The following TMEM132E variants were observed in gnomAD, a reference collection of about 807,000 sequenced individuals.
TMEM132E encodes transmembrane protein 132E.
TMEM132E carries 49 observed loss-of-function variants against 78.5 expected under a neutral mutation model. That is an observed-to-expected ratio of 0.62 (90% CI 0.50 to 0.79). TMEM132E has a LOEUF of 0.79. Among genes scored for constraint, TMEM132E ranks in the 30% least tolerant of loss-of-function variants. The probability of loss-of-function intolerance (pLI) is 0.00; values close to 1 mark genes in which losing one functional copy is unlikely to be tolerated. For synonymous variants in TMEM132E, 715 were observed against 670.6 expected (o/e 1.07, Z -1.02); for missense variants, 1,403 against 1,470.9 (o/e 0.95, Z 0.75).
intron 1 of TMEM132E, among the ~76,000 whole-genome samples, chr17:34,593,232 C>G (rs1905938718): frequency 8.6e-6 from 1 of 116,896 alleles, no homozygotes; most frequent in Non-Finnish European, 1.8e-5. Context: ...CAAAATAAAA[C>G]TCCATCTCTA....
intron 1 of TMEM132E, among the ~76,000 whole-genome samples, chr17:34,614,980 T>C (rs1310587819): frequency 1.3e-5 from 2 of 152,170 alleles, no homozygotes; most frequent in Admixed American, 6.5e-5. Context: ...GAACCTTTCC[T>C]TGGCCTCCTC....
At chr17:34,630,238 CT>C in intron 5 of TMEM132E, 87 bp downstream of exon 5, 1 of 1,441,536 alleles carries the variant, frequency 6.9e-7, no homozygotes, top group Admixed American at 1.9e-5. Flanking sequence ...AGGTGGCTGA[CT>C]CTTACTCATC....
chr17:34,623,190 G>A lies in TMEM132E; in HGVS notation c.68-2937G>A, dbSNP rs956967304. Among the ~76,000 whole-genome samples, 8 of 152,312 alleles carry A rather than the reference G, an allele frequency of 5.3e-5. No individual in the cohort carries two copies. The East Asian group carries it at 1.4e-3, about 26-fold the overall frequency. ...CCAGGGGGGGTGAGGGGATCCGGGTGGGGCATGCAGTCACAATTGTCCAAT... is the reference window on the plus strand; with the variant it reads ...CCAGGGGGGGTGAGGGGATCCGGGTAGGGCATGCAGTCACAATTGTCCAAT... On this transcript the variant is annotated intron_variant, in intron 1 of 8. Coordinates refer to ENST00000631683, the MANE Select transcript of TMEM132E (RefSeq NM_001304438.2).
At position 34,626,260 on chromosome 17, in the gene TMEM132E, G is replaced by C. The variant is rs983957108; in HGVS notation, c.201G>C (p.Ala67=). The C allele has an allele frequency of 1.9e-6, 3 of 1,603,462 alleles. No individual in the cohort carries two copies. The highest frequency in any genetic ancestry group is 1.3e-5 in the African/African-American group (1 of 74,888). Residue 67 remains alanine, a synonymous_variant, in exon 2 of 9, where the codon GCG becomes GCC. Transcript: ENST00000631683. ...FLREARPPSP[A]VANSSLQRSE... ...GGGAGGCGCGGCCCCCGTCACCCGC[G>C]GTCGCCAACAGCTCTCTGCAGCGCT...
In TMEM132E at chr17:34,626,730, C is replaced by G; in HGVS notation, c.671C>G (p.Thr224Arg). Residue 224 changes from threonine to arginine, a missense_variant, in exon 2 of 9, where the codon ACG (threonine) becomes AGG (arginine). By Grantham distance (71) the Thr-to-Arg change is moderately conservative (BLOSUM62 -1). This residue lies in a region of TMEM132E where 511 missense variants were observed against 499.0 expected (regional missense o/e 1.02). Transcript: ENST00000631683. ...KSPDGLEPEA[T>R]GESQQAELYY... ...CCGGACGGGCTGGAGCCCGAGGCGA[C>G]GGGGGAGAGCCAGCAGGCCGAGCTC... The G allele has an allele frequency of 2.2e-6, 3 of 1,370,290 alleles. No homozygotes were observed. In the South Asian group the frequency reaches 4.5e-5, roughly 21 times the overall value. 84.9% of individuals were successfully genotyped at this position (1,370,290 alleles called of 1,614,324 possible).
At chr17:34,581,752 G>A (rs1354959176) in intron 1 of TMEM132E, among the ~76,000 whole-genome samples, 1 of 151,850 alleles carries the variant, frequency 6.6e-6, no homozygotes, top group South Asian at 2.1e-4. Flanking sequence ...CGCACAGGCC[G>A]GGGCGGTGGG....
chr17:34,608,075 C>T (rs917686647), intron 1 of TMEM132E, among the ~76,000 whole-genome samples: 1 of 152,174 alleles, frequency 6.6e-6, no homozygotes, highest in Non-Finnish European at 1.5e-5. Flanking sequence ...AGGTTTCAAC[C>T]TTCTAATCAC....
At chr17:34,592,469 C>T (rs1168029470) in intron 1 of TMEM132E, among the ~76,000 whole-genome samples, 1 of 152,198 alleles carries the variant, frequency 6.6e-6, no homozygotes, top group Non-Finnish European at 1.5e-5. Flanking sequence ...TAGGGAGTTT[C>T]TGACAAGGAA....
At chr17:34,623,004 G>C (rs1353761899) in intron 1 of TMEM132E, among the ~76,000 whole-genome samples, 1 of 152,138 alleles carries the variant, frequency 6.6e-6, no homozygotes, top group African/African-American at 2.4e-5. Flanking sequence ...AGAGAGAAAA[G>C]AGAGGGGGAG....
chr17:34,637,306 C>CGGGCCTTCCCT lies in TMEM132E; in HGVS notation c.2300_2310dup (p.Leu771GlyfsTer6). The CGGGCCTTCCCT allele has an allele frequency of 6.2e-7, 1 of 1,614,124 alleles. No homozygotes were observed. The highest frequency in any genetic ancestry group is 8.5e-7 in the Non-Finnish European group (1 of 1,180,042). On this transcript the variant is annotated frameshift_variant, in exon 9 of 9. Transcript: ENST00000631683. LOFTEE classifies it high-confidence loss of function. The stretch of plus-strand genomic sequence containing the variant: ...GCATGTGGCCACTGTGACCCAGGAC[C>CGGGCCTTCCCT]GGGCCTTCCCTCTGGTAGTGGCTGA...
chr17:34,594,657 A>G (rs1905994160), intron 1 of TMEM132E, among the ~76,000 whole-genome samples: 1 of 152,200 alleles, frequency 6.6e-6, no homozygotes, highest in South Asian at 2.1e-4. Context: ...TGGCATGATC[A>G]TAGCTCACTG....
chr17:34,592,135 C>A (rs1162573715), intron 1 of TMEM132E, among the ~76,000 whole-genome samples: 3 of 152,166 alleles, frequency 2.0e-5, no homozygotes, highest in African/African-American at 7.2e-5. Context: ...TGTTTTTTAA[C>A]CCTTGATGCC....
At chr17:34,624,948 G>A (rs931477335) in intron 1 of TMEM132E, among the ~76,000 whole-genome samples, 3 of 152,136 alleles carry the variant, frequency 2.0e-5, no homozygotes, top group Admixed American at 6.5e-5. Context: ...AATGTGACTC[G>A]GGAGGTTCTT....
intron 1 of TMEM132E, among the ~76,000 whole-genome samples, chr17:34,623,186 G>A (rs1031191695): frequency 7.9e-5 from 12 of 152,144 alleles, no homozygotes; most frequent in Non-Finnish European, 1.5e-4. Context: ...GAGGGGATCC[G>A]GGTGGGGCAT....
In TMEM132E at chr17:34,580,026, G is replaced by T. The variant is rs1188405419; in HGVS notation, c.-1051G>T. On this transcript the variant is annotated 5_prime_UTR_variant, in exon 1 of 9. Transcript: ENST00000631683. The stretch of plus-strand genomic sequence containing the variant: ...CCAGAAAAGTTCAAGGTTTGTGCAG[G>T]TTCCCCCAGGGAAGGCGAGGAGCGA... The T allele has an allele frequency of 3.3e-5, 5 of 152,358 alleles. No individual in the cohort carries two copies. The highest frequency in any genetic ancestry group is 7.3e-5 in the Non-Finnish European group (5 of 68,146). The allele number at this position is 152,358 out of a possible 1,614,324, so 9.4% of individuals were successfully genotyped here.
At chr17:34,613,174 T>TAC (rs1052726474) in intron 1 of TMEM132E, among the ~76,000 whole-genome samples, 3,444 of 109,218 alleles carry the variant, frequency 0.032, 168 homozygotes, top group South Asian at 0.1. Flanking sequence ...TCTCTCTCTC[T>TAC]ACACACACAC....
chr17:34,633,574 A>C (rs555640484), intron 6 of TMEM132E, among the ~76,000 whole-genome samples: 22 of 152,364 alleles, frequency 1.4e-4, no homozygotes, highest in African/African-American at 5.0e-4. Flanking sequence ...AAAGCACAGC[A>C]GGGAAGAGAA....
At chr17:34,584,526 C>T (rs143289358) in intron 1 of TMEM132E, among the ~76,000 whole-genome samples, 317 of 152,350 alleles carry the variant, frequency 2.1e-3, no homozygotes, top group African/African-American at 5.5e-3. Flanking sequence ...CCTGTGCAAT[C>T]CTCCTGATCC....
intron 1 of TMEM132E, among the ~76,000 whole-genome samples, chr17:34,600,823 A>T (rs1906216734): frequency 6.6e-6 from 1 of 152,314 alleles, no homozygotes; most frequent in East Asian, 1.9e-4. Flanking sequence ...AAAGGTTTCA[A>T]GCAGGAAAGT....
Sources: allele counts gnomAD v4.1 joint callset (sites outside exome capture counted in the v4.1 genomes callset), GRCh38; gene constraint gnomAD v4.1.1; regional missense constraint gnomAD v4.1.1; transcripts MANE v1.5; gene names NCBI Gene and HGNC (gene_info 2026-07-23, HGNC 2026-07-21).